PTPN14: variants seen among roughly 807,000 people sequenced by gnomAD.
The protein encoded by PTPN14 is protein tyrosine phosphatase non-receptor type 14.
In PTPN14, 53 loss-of-function variants were observed where a neutral mutation model predicts 126.8. That is an observed-to-expected ratio of 0.42 (90% CI 0.34 to 0.53). PTPN14 has a LOEUF of 0.53. Among genes scored for constraint, PTPN14 ranks in the 20% least tolerant of loss-of-function variants. The pLI is 0.08. For synonymous variants in PTPN14, 630 were observed against 599.3 expected (o/e 1.05, Z -0.75); for missense variants, 1,257 against 1,552.9 (o/e 0.81, Z 3.20).
At chr1:214,358,204 A>C (rs1657869928) in intron 18 of PTPN14, among the ~76,000 whole-genome samples, 154 bp from the exon 19 acceptor site, 1 of 152,180 alleles carries the variant, frequency 6.6e-6, no homozygotes, top group African/African-American at 2.4e-5. Flanking sequence ...TATGCATCAA[A>C]CAGTTTATAT....
chr1:214,383,867 A>C lies in PTPN14; in HGVS notation c.1988T>G (p.Leu663Arg). 2 of 1,612,266 alleles carry C rather than the reference A, an allele frequency of 1.2e-6. No homozygotes were observed. The highest frequency in any genetic ancestry group is 1.7e-6 in the Non-Finnish European group (2 of 1,179,872). The change falls in exon 13 of 19, where the codon CTC becomes CGC. Residue 663 changes from leucine to arginine, a missense_variant. Transcript: ENST00000366956. The surrounding 1 kb of genome is among the most constrained non-coding windows in gnomAD (Gnocchi z 4.4). Reference sequence around the variant, plus strand: ...GAGCGTGTTGCGGCGAGCCATGGGGAGGTGGAGCGACTTGAGCGTCATGGC... The same window carrying C: ...GAGCGTGTTGCGGCGAGCCATGGGGCGGTGGAGCGACTTGAGCGTCATGGC... ...MEAMTLKSLH[L>R]PMARRNTLRE...
chr1:214,396,453 C>G (rs910431824), intron 8 of PTPN14, among the ~76,000 whole-genome samples: 2 of 152,172 alleles, frequency 1.3e-5, no homozygotes, highest in African/African-American at 4.8e-5. Context: ...GGACTCATAG[C>G]TACATGCTCC....
intron 1 of PTPN14, among the ~76,000 whole-genome samples, chr1:214,537,834 C>T (rs1316557060): frequency 6.6e-6 from 1 of 152,142 alleles, no homozygotes; most frequent in East Asian, 1.9e-4. Flanking sequence ...TAAATGCAAG[C>T]CACCTATGTA....
Position 214,354,954 on chromosome 1 carries a change from G to A in PTPN14, c.*2968C>T, listed in dbSNP as rs1657782478. 1.3e-5 allele frequency: 2 copies of A among 152,168 alleles called. No homozygotes were observed. The highest frequency in any genetic ancestry group is 2.9e-5 in the Non-Finnish European group (2 of 68,030). The allele number at this position is 152,168 out of a possible 1,614,324, so 9.4% of individuals were successfully genotyped here. A position where few individuals can be genotyped will look rare whatever the true frequency, so the allele number is the denominator to read the frequency against. On this transcript the variant is annotated 3_prime_UTR_variant, in exon 19 of 19. Coordinates refer to ENST00000366956, the MANE Select transcript of PTPN14 (RefSeq NM_005401.5). ...TGCTTCCCAGATATAAAGCATCTCT[G>A]GGCAATTATTATGCAGATGCCACCG...
At chr1:214,536,438 TAA>T (rs1453044037) in intron 1 of PTPN14, among the ~76,000 whole-genome samples, 1 of 151,978 alleles carries the variant, frequency 6.6e-6, no homozygotes, top group African/African-American at 2.4e-5. Context: ...TAAAAAATAT[TAA>T]GAGGATTTAT....
At chr1:214,415,716 T>A (rs762705926) in intron 3 of PTPN14, among the ~76,000 whole-genome samples, 22 of 152,112 alleles carry the variant, frequency 1.4e-4, no homozygotes, top group Non-Finnish European at 2.4e-4. Context: ...CATCAGTCAA[T>A]CCAATGCCTG....
intron 1 of PTPN14, among the ~76,000 whole-genome samples, chr1:214,525,966 T>C (rs1655383139): frequency 6.7e-6 from 1 of 150,292 alleles, no homozygotes; most frequent in Non-Finnish European, 1.5e-5. Flanking sequence ...AGTCAACTTT[T>C]TTTTTTTTTT....
intron 9 of PTPN14, among the ~76,000 whole-genome samples, chr1:214,394,096 A>T (rs1658821548): frequency 6.6e-6 from 1 of 152,264 alleles, no homozygotes; most frequent in South Asian, 2.1e-4. Flanking sequence ...ATCAAGGCAC[A>T]GCATAGAATA....
intron 3 of PTPN14, among the ~76,000 whole-genome samples, chr1:214,445,669 C>T (rs1201299419): frequency 6.6e-6 from 1 of 152,042 alleles, no homozygotes; most frequent in Admixed American, 6.6e-5. Context: ...AAAGTTTTCT[C>T]TTTAGTATTG....
At position 214,349,645 on chromosome 1, in the gene PTPN14, A is replaced by T. The variant is rs913489095; in HGVS notation, c.*8277T>A. The T allele has an allele frequency of 6.6e-6, 1 of 152,172 alleles. No homozygotes were observed. Among genetic ancestry groups the T allele is most frequent in the Non-Finnish European group, 1.5e-5 (1 of 68,022 alleles). 9.4% of individuals were successfully genotyped at this position (152,172 alleles called of 1,614,324 possible). A position where few individuals can be genotyped will look rare whatever the true frequency, so the allele number is the denominator to read the frequency against. On this transcript the variant is annotated 3_prime_UTR_variant, in exon 19 of 19. Coordinates refer to ENST00000366956, the MANE Select transcript of PTPN14 (RefSeq NM_005401.5). ...ATATTTAAACCTTTTTTTCCACTGA[A>T]GTATCCTCAAGCACATTAATTAGCT...
chr1:214,494,629 G>T (rs1215873936), intron 1 of PTPN14, among the ~76,000 whole-genome samples: 1 of 152,074 alleles, frequency 6.6e-6, no homozygotes, highest in Non-Finnish European at 1.5e-5. Flanking sequence ...TTTTGCAAGG[G>T]TAGAAAGAGA....
chr1:214,518,760 T>C (rs1655170826), intron 1 of PTPN14, among the ~76,000 whole-genome samples: 1 of 152,142 alleles, frequency 6.6e-6, no homozygotes, highest in Non-Finnish European at 1.5e-5. Context: ...TTAGATAAAG[T>C]TATATTCAGC....
chr1:214,434,856 C>T (rs1659877491), intron 3 of PTPN14, among the ~76,000 whole-genome samples: 1 of 152,164 alleles, frequency 6.6e-6, no homozygotes, highest in African/African-American at 2.4e-5. Context: ...TCCAAAAGCA[C>T]ATGCCTGGAC....
chr1:214,489,434 A>G (rs1661183799), intron 1 of PTPN14, among the ~76,000 whole-genome samples: 1 of 152,164 alleles, frequency 6.6e-6, no homozygotes, highest in Admixed American at 6.5e-5. Context: ...TACCGTTTCT[A>G]ATCTCCAAGC....
chr1:214,535,067 AT>A (rs1357876456), intron 1 of PTPN14, among the ~76,000 whole-genome samples: 2 of 152,234 alleles, frequency 1.3e-5, no homozygotes, highest in African/African-American at 4.8e-5. Flanking sequence ...GAAAAAGTAA[AT>A]AAAAAATAGG....
chr1:214,435,057 TGGCCCGCA>T (rs2102613160), intron 3 of PTPN14, among the ~76,000 whole-genome samples: 1 of 152,370 alleles, frequency 6.6e-6, no homozygotes, highest in Admixed American at 6.5e-5. Flanking sequence ...AGGCTGCATG[TGGCCCGCA>T]GGCTGCGGGT....
At chr1:214,532,511 CA>C in intron 1 of PTPN14, 1 of 942,498 alleles carries the variant, frequency 1.1e-6, no homozygotes. Context: ...GGCTGGAGAG[CA>C]AAATCTGGGA....
At chr1:214,484,947 C>G (rs1433860367) in intron 1 of PTPN14, among the ~76,000 whole-genome samples, 1 of 152,082 alleles carries the variant, frequency 6.6e-6, no homozygotes, top group Non-Finnish European at 1.5e-5. Context: ...CTTAGATGTT[C>G]AAGGAAAACC....
At chr1:214,445,551 TAA>T (rs5780780) in intron 3 of PTPN14, among the ~76,000 whole-genome samples, 6 of 145,672 alleles carry the variant, frequency 4.1e-5, no homozygotes, top group South Asian at 2.2e-4. Context: ...ATGTTTTGGT[TAA>T]AAAAAAAAAA....
Sources: allele counts gnomAD v4.1 joint callset (sites outside exome capture counted in the v4.1 genomes callset), GRCh38; gene constraint gnomAD v4.1.1; non-coding constraint Gnocchi (gnomAD v3.1); transcripts MANE v1.5; gene names NCBI Gene and HGNC (gene_info 2026-07-23, HGNC 2026-07-21).